Variants in COL14A1 observed in about 807,000 individuals in gnomAD.
The protein encoded by COL14A1 is collagen type XIV alpha 1 chain.
Under a neutral mutation model 230.3 loss-of-function variants are expected in COL14A1, and 136 were observed. That is an observed-to-expected ratio of 0.59 (90% CI 0.51 to 0.68). The LOEUF is 0.68. Ranked by LOEUF, COL14A1 falls within the 30% of genes least tolerant of loss-of-function variation. The pLI, the probability that COL14A1 is intolerant of heterozygous loss-of-function variation, is 0.00. For synonymous variants in COL14A1, 792 were observed against 784.1 expected (o/e 1.01, Z -0.17); for missense variants, 1,976 against 2,215.8 (o/e 0.89, Z 2.17).
At chr8:120,328,313 A>T (rs1821753446) in intron 40 of COL14A1, among the ~76,000 whole-genome samples, 1 of 152,092 alleles carries the variant, frequency 6.6e-6, no homozygotes, top group Non-Finnish European at 1.5e-5. Flanking sequence ...AGCTCACTGA[A>T]GTTTCAACCT....
intron 1 of COL14A1, among the ~76,000 whole-genome samples, chr8:120,131,358 C>T (rs1205053721): frequency 7.9e-6 from 1 of 125,926 alleles, no homozygotes; most frequent in Non-Finnish European, 1.6e-5. Flanking sequence ...TTCCTTTTCT[C>T]TGCAAATCTG....
intron 19 of COL14A1, among the ~76,000 whole-genome samples, chr8:120,232,584 A>G (rs1176035119): frequency 2.0e-5 from 3 of 152,336 alleles, no homozygotes; most frequent in Admixed American, 6.5e-5. Context: ...ATGTCCCTGC[A>G]AAGGACATGA....
At chr8:120,327,250 C>A (rs58378319) in intron 40 of COL14A1, among the ~76,000 whole-genome samples, 18,189 of 152,092 alleles carry the variant, frequency 0.12, 2,511 homozygotes, top group African/African-American at 0.34. Flanking sequence ...GACTGCTAAC[C>A]ACTCATAATT....
chr8:120,339,963 A>G (rs758966665), intron 42 of COL14A1, among the ~76,000 whole-genome samples: 3 of 150,558 alleles, frequency 2.0e-5, no homozygotes, highest in Non-Finnish European at 4.4e-5. Flanking sequence ...ACTTGAACCC[A>G]GGAGCCAGAG....
rs559275411 is a variant in COL14A1, at chr8:120,287,683, C to T, written c.4077+1713C>T. Among the ~76,000 whole-genome samples, 416 of 152,122 alleles carry T rather than the reference C, an allele frequency of 2.7e-3. 4 individuals are homozygous for T. The highest frequency in any genetic ancestry group is 3.0e-3 in the Non-Finnish European group (206 of 67,976). On this transcript the variant is annotated intron_variant, in intron 33 of 47. Coordinates refer to ENST00000297848, the MANE Select transcript of COL14A1 (RefSeq NM_021110.4). The stretch of plus-strand genomic sequence containing the variant: ...AAGTTATATGAAGGAAGACTTCCCT[C>T]TACTTTAAGTGTTAATAAAGCCAAA...
At position 120,216,488 on chromosome 8, in the gene COL14A1, G is replaced by A. The variant is rs930649084; in HGVS notation, c.1735G>A (p.Glu579Lys). ...YNNADGTEIN[E>K]VEVDPITTFP... ...CAATGCAGATGGGACTGAAATCAAT[G>A]AGGTAAGTTCCGGGACATAATGTAT... is the stretch of plus-strand genomic sequence containing the variant. Residue 579 changes from glutamate to lysine, a missense_variant and splice_region_variant, in exon 14 of 48, where the codon GAG (glutamate) becomes AAG (lysine). Glu to Lys is a moderately conservative substitution (Grantham distance 56, BLOSUM62 1). Coordinates refer to ENST00000297848, the MANE Select transcript of COL14A1 (RefSeq NM_021110.4). The A allele has an allele frequency of 1.9e-6, 3 of 1,608,402 alleles. No homozygotes were observed. Among genetic ancestry groups the A allele is most frequent in the Admixed American group, 1.7e-5 (1 of 58,736 alleles).
chr8:120,222,217 G>A (rs1228573247), intron 14 of COL14A1, among the ~76,000 whole-genome samples: 1 of 152,178 alleles, frequency 6.6e-6, no homozygotes, highest in Non-Finnish European at 1.5e-5. Flanking sequence ...ATAAGTGAAT[G>A]CATATAAAGC....
intron 45 of COL14A1, among the ~76,000 whole-genome samples, chr8:120,358,648 A>G (rs564667117): frequency 4.6e-5 from 7 of 151,662 alleles, no homozygotes; most frequent in East Asian, 3.9e-4. Context: ...ATTTGGTTAT[A>G]CTAGATAATA....
chr8:120,142,287 G>A (rs558231866), intron 1 of COL14A1, among the ~76,000 whole-genome samples: 2 of 152,280 alleles, frequency 1.3e-5, no homozygotes, highest in East Asian at 3.9e-4. Context: ...TGATTTGATA[G>A]GGCTGAAGCC....
intron 5 of COL14A1, among the ~76,000 whole-genome samples, chr8:120,174,670 T>TG (rs755528971): frequency 2.0e-5 from 3 of 152,186 alleles, no homozygotes; most frequent in Non-Finnish European, 4.4e-5. Flanking sequence ...GATGAGAACT[T>TG]GGGGTAGGGC....
At chr8:120,225,717 A>C (rs1403526281) in intron 15 of COL14A1, among the ~76,000 whole-genome samples, 1 of 152,132 alleles carries the variant, frequency 6.6e-6, no homozygotes, top group African/African-American at 2.4e-5. Flanking sequence ...TAAGACATGA[A>C]TACATTATTT....
Position 120,153,422 on chromosome 8 carries a change from G to A in COL14A1, c.89-4708G>A, listed in dbSNP as rs114783891. On this transcript the variant is annotated intron_variant, in intron 2 of 47. Coordinates refer to ENST00000297848, the MANE Select transcript of COL14A1 (RefSeq NM_021110.4). ...CTGGTCTCAAACTCCTGGGCTCAACGAATCTGCCTGCCTTGGCCTCCCAAA... is the reference window on the plus strand; with the variant it reads ...CTGGTCTCAAACTCCTGGGCTCAACAAATCTGCCTGCCTTGGCCTCCCAAA... 2.5e-3 allele frequency among the ~76,000 whole-genome samples: 381 copies of A among 152,176 alleles called. 4 individuals carry two copies. The highest frequency in any genetic ancestry group is 8.9e-3 in the African/African-American group (368 of 41,518).
intron 40 of COL14A1, among the ~76,000 whole-genome samples, chr8:120,330,639 A>T (rs1586870501): frequency 6.6e-6 from 1 of 152,250 alleles, no homozygotes; most frequent in South Asian, 2.1e-4. Context: ...GGGAGCTACA[A>T]TTTAAGAGAG....
intron 42 of COL14A1, among the ~76,000 whole-genome samples, chr8:120,333,397 C>A (rs1443944525): frequency 6.6e-6 from 1 of 152,214 alleles, no homozygotes; most frequent in Non-Finnish European, 1.5e-5. Flanking sequence ...TGCTTGGCAT[C>A]TTCTGGTGAC....
In COL14A1 at chr8:120,196,962, T is replaced by G; in HGVS notation, c.592+16T>G. On this transcript the variant is annotated intron_variant, in intron 6 of 47. Transcript: ENST00000297848. ...ACACGAATTGGTATAATTTCTATTA[T>G]TAGCAGTAGCAGTCAGTTGTCAGTG... 6.2e-7 allele frequency: 1 copy of G among 1,612,402 alleles called. No homozygotes were observed. The highest frequency in any genetic ancestry group is 8.5e-7 in the Non-Finnish European group (1 of 1,179,202).
chr8:120,288,000 T>A (rs1315432282), intron 33 of COL14A1, among the ~76,000 whole-genome samples: 1 of 145,856 alleles, frequency 6.9e-6, no homozygotes, highest in Non-Finnish European at 1.5e-5. Context: ...CTTTGAAAAA[T>A]TTTCAATATC....
intron 2 of COL14A1, among the ~76,000 whole-genome samples, chr8:120,156,664 AG>A (rs965502484): frequency 1.3e-4 from 20 of 152,180 alleles, no homozygotes; most frequent in Non-Finnish European, 2.2e-4. Context: ...TACATGAAGT[AG>A]GGGAAAGGGA....
intron 10 of COL14A1, among the ~76,000 whole-genome samples, chr8:120,207,512 A>C (rs1351367953): frequency 6.6e-6 from 1 of 152,128 alleles, no homozygotes; most frequent in East Asian, 1.9e-4. Context: ...TAGTCCTCCA[A>C]GGCTTGGAGT....
intron 15 of COL14A1, 96 bp downstream of exon 15, chr8:120,225,310 G>A (rs1818061393): frequency 1.9e-6 from 2 of 1,076,582 alleles, no homozygotes; most frequent in African/African-American, 1.6e-5. Flanking sequence ...TGATTTTGAA[G>A]AGATTAAATT....
Sources: gnomAD v4.1 joint callset for allele counts (sites outside exome capture counted in the v4.1 genomes callset) on GRCh38, gnomAD v4.1.1 for gene constraint, MANE v1.5 for transcripts, NCBI Gene and HGNC (gene_info 2026-07-23, HGNC 2026-07-21) for gene names.